SLC27A2: variants seen among roughly 807,000 people sequenced by gnomAD.
The protein encoded by SLC27A2 is long-chain fatty acid transport protein 2.
SLC27A2 carries 54 observed loss-of-function variants against 60.0 expected under a neutral mutation model. The ratio of observed to expected loss-of-function variants is 0.90; its 90% CI spans 0.72 to 1.13. The LOEUF (loss-of-function observed/expected upper bound fraction) is 1.13, where lower values mean the gene tolerates loss of function less well. Among genes scored for constraint, SLC27A2 ranks in the 50% most tolerant of loss-of-function variants. SLC27A2 has a pLI of 0.00. For synonymous variants in SLC27A2, 297 were observed against 297.6 expected (o/e 1.00, Z 0.02); for missense variants, 739 against 777.6 (o/e 0.95, Z 0.59).
At chr15:50,210,146 G>A (rs2045143502) in intron 4 of SLC27A2, among the ~76,000 whole-genome samples, 1 of 152,140 alleles carries the variant, frequency 6.6e-6, no homozygotes, top group African/African-American at 2.4e-5. Flanking sequence ...ATGGCGAGCG[G>A]GAGGCAGGAC....
intron 1 of SLC27A2, among the ~76,000 whole-genome samples, chr15:50,187,692 T>G (rs2044935995): frequency 6.6e-6 from 1 of 152,190 alleles, no homozygotes; most frequent in South Asian, 2.1e-4. Flanking sequence ...AGGTAAGTTA[T>G]AAAACGTTCC....
chr15:50,196,721 T>G (rs982817822), intron 1 of SLC27A2, among the ~76,000 whole-genome samples: 1 of 152,238 alleles, frequency 6.6e-6, no homozygotes. Flanking sequence ...GACCCACAGG[T>G]TGGGAAACAC....
chr15:50,227,535 A>T (rs1471249138), intron 7 of SLC27A2, among the ~76,000 whole-genome samples: 1 of 152,228 alleles, frequency 6.6e-6, no homozygotes, highest in East Asian at 1.9e-4. Context: ...ATAAAATCAG[A>T]TGCAAATTAA....
chr15:50,203,206 G>T (rs1407794040), intron 3 of SLC27A2, among the ~76,000 whole-genome samples: 1 of 151,910 alleles, frequency 6.6e-6, no homozygotes, highest in Non-Finnish European at 1.5e-5. Context: ...AAAATTTTAG[G>T]TTATGACACT....
intron 2 of SLC27A2, 65 bp from the exon 3 acceptor site, chr15:50,202,422 C>G (rs1427100256): frequency 2.6e-6 from 4 of 1,526,964 alleles, no homozygotes; most frequent in African/African-American, 1.4e-5. Context: ...TAAGCCAGAT[C>G]TCTCTCCTAC....
chr15:50,233,877 G>A lies in SLC27A2; in HGVS notation c.1565G>A (p.Gly522Asp), dbSNP rs939147899. The A allele has an allele frequency of 2.3e-5, 37 of 1,612,056 alleles. No individual in the cohort carries two copies. Among genetic ancestry groups the A allele is most frequent in the South Asian group, 1.1e-5 (1 of 90,920 alleles). Residue 522 changes from glycine to aspartate, a missense_variant, in exon 9 of 10, where the codon GGT (glycine) becomes GAT (aspartate). By Grantham distance (94) the Gly-to-Asp change is moderately conservative. Coordinates refer to ENST00000267842, the MANE Select transcript of SLC27A2 (RefSeq NM_003645.4). ...CTCACTTTATTTCTAGATCATGAGGGTCGCATTGGCATGGCCTCCATCAAA... is the reference window on the plus strand; with the variant it reads ...CTCACTTTATTTCTAGATCATGAGGATCGCATTGGCATGGCCTCCATCAAA... ...VYGVHVPDHE[G>D]RIGMASIKMK...
At chr15:50,201,785 G>A (rs1195036331) in intron 2 of SLC27A2, among the ~76,000 whole-genome samples, 1 of 152,034 alleles carries the variant, frequency 6.6e-6, no homozygotes, top group East Asian at 1.9e-4. Context: ...TTGATCTCCT[G>A]ACCTTGTGAT....
At chr15:50,185,653 G>A (rs1235972049) in intron 1 of SLC27A2, among the ~76,000 whole-genome samples, 3 of 124,246 alleles carry the variant, frequency 2.4e-5, no homozygotes, top group East Asian at 4.5e-4. Flanking sequence ...TTTTTGAGAC[G>A]GAATCTCGCT....
Position 50,202,555 on chromosome 15 carries a change from G to A in SLC27A2, c.757G>A (p.Gly253Arg), listed in dbSNP as rs377509751. ...WYGTGLTFVS[G>R]LKADDVIYIT... is the part of the protein sequence containing the mutation. The stretch of plus-strand genomic sequence containing the variant: ...TGGAACTGGCCTCACTTTTGTAAGC[G>A]GATTGAAGGCAGATGATGTCATCTA... The change falls in exon 3 of 10, where the codon GGA (glycine) becomes AGA (arginine). Residue 253 changes from glycine to arginine, a missense_variant. Coordinates refer to ENST00000267842, the MANE Select transcript of SLC27A2 (RefSeq NM_003645.4). 43 of 1,613,992 alleles carry A rather than the reference G, an allele frequency of 2.7e-5. No individual in the cohort carries two copies. The highest frequency in any genetic ancestry group is 1.6e-4 in the Middle Eastern group (1 of 6,084).
intron 4 of SLC27A2, among the ~76,000 whole-genome samples, chr15:50,206,214 A>C (rs1289567481): frequency 6.6e-6 from 1 of 152,060 alleles, no homozygotes; most frequent in Non-Finnish European, 1.5e-5. Context: ...TGCCAGTAGT[A>C]ACCTCCCCAC....
At chr15:50,195,332 AAC>A (rs2045005401) in intron 1 of SLC27A2, among the ~76,000 whole-genome samples, 1 of 151,276 alleles carries the variant, frequency 6.6e-6, no homozygotes, top group African/African-American at 2.4e-5. Flanking sequence ...AAAAAACAAA[AAC>A]AAACAAATTA....
intron 5 of SLC27A2, among the ~76,000 whole-genome samples, chr15:50,224,638 T>A (rs1222784368): frequency 6.6e-6 from 1 of 152,146 alleles, no homozygotes; most frequent in African/African-American, 2.4e-5. Flanking sequence ...GCTACACAAG[T>A]CCCTCCACAG....
chr15:50,203,156 C>G (rs1324378376), intron 3 of SLC27A2, among the ~76,000 whole-genome samples: 1 of 151,976 alleles, frequency 6.6e-6, no homozygotes. Flanking sequence ...CCACTGCACT[C>G]CAGCCTGGGT....
intron 5 of SLC27A2, among the ~76,000 whole-genome samples, chr15:50,223,433 G>T (rs1314218249): frequency 6.6e-6 from 1 of 152,168 alleles, no homozygotes; most frequent in African/African-American, 2.4e-5. Context: ...ATTTATACTT[G>T]CATGTGATAA....
intron 7 of SLC27A2, 118 bp downstream of exon 7, chr15:50,227,296 A>G: frequency 1.4e-6 from 1 of 735,776 alleles, no homozygotes; most frequent in Non-Finnish European, 2.3e-6. Context: ...TTGGCACATC[A>G]GGTCAAACTC....
rs2044863792 is a variant in SLC27A2 at position 50,182,493 on chromosome 15, C to T, written c.66C>T (p.Cys22=). Residue 22 remains cysteine (C), a synonymous_variant, in exon 1 of 10, where the codon TGC becomes TGT. Transcript: ENST00000267842. ...LLFLPLLVNL[C]CPYFFQDIGY... is the part of the protein sequence containing the mutation. ...TCCTGCCGCTCCTGGTGAACCTCTG[C>T]TGCCCATACTTCTTCCAGGACATAG... The T allele has an allele frequency of 6.2e-7, 1 of 1,611,332 alleles. No homozygotes were observed.
At chr15:50,226,931 T>G in intron 6 of SLC27A2, 49 bp from the exon 7 acceptor site, 3 of 1,506,480 alleles carry the variant, frequency 2.0e-6, no homozygotes, top group South Asian at 1.2e-5. Flanking sequence ...GGTTGATGTA[T>G]AAATTTGACC....
Position 50,182,338 on chromosome 15 carries a change from G to T in SLC27A2, c.-90G>T. ...CGCCGCGTGCGCCCCGGCGCAGCCC[G>T]CCAGTCCGCCCGGAGCCCGCCCAGT... On this transcript the variant is annotated 5_prime_UTR_variant, in exon 1 of 10. Transcript: ENST00000267842. The T allele has an allele frequency of 7.4e-7, 1 of 1,359,042 alleles. No individual in the cohort carries two copies. The allele number at this position is 1,359,042 out of a possible 1,614,324, so 84.2% of individuals were successfully genotyped here.
At chr15:50,230,651 A>ATT (rs2140914777) in intron 8 of SLC27A2, among the ~76,000 whole-genome samples, 1 of 152,302 alleles carries the variant, frequency 6.6e-6, no homozygotes, top group Non-Finnish European at 1.5e-5. Flanking sequence ...AGGGGACAGA[A>ATT]TGGAAGGGGG....
Sources: allele counts gnomAD v4.1 joint callset (sites outside exome capture counted in the v4.1 genomes callset), GRCh38; gene constraint gnomAD v4.1.1; transcripts MANE v1.5; gene names NCBI Gene and HGNC (gene_info 2026-07-23, HGNC 2026-07-21).